The following NXPH1 variants were observed in gnomAD, a reference collection of about 807,000 sequenced individuals.
NXPH1 encodes the protein neurexophilin 1.
Under a neutral mutation model 23.7 loss-of-function variants are expected in NXPH1, and 5 were observed. The observed-to-expected ratio is 0.21, with a 90% CI of 0.11 to 0.44. NXPH1 has a LOEUF of 0.44. NXPH1 is among the 20% of genes least tolerant of loss of function. The probability of loss-of-function intolerance (pLI) is 0.99; values close to 1 mark genes in which losing one functional copy is unlikely to be tolerated. For missense variants in NXPH1, 324 were observed against 321.6 expected (o/e 1.01, Z -0.06); for synonymous variants, 144 against 122.2 (o/e 1.18, Z -1.18).
chr7:8,750,434 G>T (rs1780544500), intron 2 of NXPH1, among the ~76,000 whole-genome samples: 1 of 152,082 alleles, frequency 6.6e-6, no homozygotes, highest in South Asian at 2.1e-4. Flanking sequence ...CGTTCTCTAA[G>T]TTCCCTCCCC....
At chr7:8,498,679 T>A (rs1308568153) in intron 2 of NXPH1, among the ~76,000 whole-genome samples, 1 of 152,106 alleles carries the variant, frequency 6.6e-6, no homozygotes, top group East Asian at 1.9e-4. Context: ...ATACTGATAA[T>A]TGTGTGTTAC....
intron 2 of NXPH1, among the ~76,000 whole-genome samples, chr7:8,661,100 A>T (rs1206833054): frequency 6.6e-6 from 1 of 152,208 alleles, no homozygotes; most frequent in East Asian, 1.9e-4. Flanking sequence ...ATCATATCTG[A>T]ATAATAAGTA....
intron 2 of NXPH1, among the ~76,000 whole-genome samples, chr7:8,667,916 A>G (rs1481871286): frequency 1.3e-5 from 2 of 152,050 alleles, no homozygotes; most frequent in Non-Finnish European, 2.9e-5. Context: ...ATTTTAAAAT[A>G]AACTGTTTTC....
chr7:8,668,234 T>A (rs1448910649), intron 2 of NXPH1, among the ~76,000 whole-genome samples: 1 of 151,164 alleles, frequency 6.6e-6, no homozygotes, highest in Non-Finnish European at 1.5e-5. Flanking sequence ...ATTGTATTCT[T>A]TTGATGGTGT....
intron 2 of NXPH1, among the ~76,000 whole-genome samples, chr7:8,566,879 AT>A (rs1188574518): frequency 1.3e-5 from 2 of 151,570 alleles, no homozygotes; most frequent in African/African-American, 4.8e-5. Flanking sequence ...TCATCTATCT[AT>A]CTACTGTTAG....
chr7:8,495,079 A>G (rs1817312894), intron 2 of NXPH1, among the ~76,000 whole-genome samples: 1 of 152,054 alleles, frequency 6.6e-6, no homozygotes, highest in Admixed American at 6.6e-5. Context: ...AATAGAATCA[A>G]TAGGAGATAG....
intron 2 of NXPH1, among the ~76,000 whole-genome samples, chr7:8,599,109 T>C (rs1298337941): frequency 1.3e-5 from 2 of 152,098 alleles, no homozygotes; most frequent in Non-Finnish European, 2.9e-5. Context: ...TCAAATACAA[T>C]GTAGAATGAA....
intron 2 of NXPH1, among the ~76,000 whole-genome samples, chr7:8,577,515 C>T (rs1277456390): frequency 6.6e-6 from 1 of 152,116 alleles, no homozygotes; most frequent in Non-Finnish European, 1.5e-5. Flanking sequence ...CCATTTGTTC[C>T]TTGGGCCACC....
chr7:8,734,194 C>G (rs755644995), intron 2 of NXPH1, among the ~76,000 whole-genome samples: 1 of 151,930 alleles, frequency 6.6e-6, no homozygotes, highest in African/African-American at 2.4e-5. Flanking sequence ...AGATGTGTGG[C>G]ATTATTTCTC....
At chr7:8,488,431 AATTG>A (rs1392836162) in intron 2 of NXPH1, among the ~76,000 whole-genome samples, 3 of 152,106 alleles carry the variant, frequency 2.0e-5, no homozygotes, top group Non-Finnish European at 2.9e-5. Context: ...CTAGAGATTA[AATTG>A]ATTAAGTGAT....
At chr7:8,710,213 G>C (rs142437394) in intron 2 of NXPH1, among the ~76,000 whole-genome samples, 4 of 152,208 alleles carry the variant, frequency 2.6e-5, no homozygotes, top group Non-Finnish European at 4.4e-5. Flanking sequence ...TGCAAGTTGA[G>C]CAGTTTATTC....
At chr7:8,554,390 A>C (rs1006991621) in intron 2 of NXPH1, among the ~76,000 whole-genome samples, 3 of 151,620 alleles carry the variant, frequency 2.0e-5, no homozygotes, top group Admixed American at 2.0e-4. Flanking sequence ...CATCCATCAG[A>C]ATGAGCCGGT....
intron 2 of NXPH1, among the ~76,000 whole-genome samples, chr7:8,748,676 T>C (rs1423498941): frequency 6.6e-6 from 1 of 152,216 alleles, no homozygotes; most frequent in Non-Finnish European, 1.5e-5. Flanking sequence ...CAGATGCAAC[T>C]GTACTCGAGC....
At chr7:8,748,783 G>A (rs1034539673) in intron 2 of NXPH1, among the ~76,000 whole-genome samples, 1 of 152,210 alleles carries the variant, frequency 6.6e-6, no homozygotes, top group African/African-American at 2.4e-5. Context: ...AACGCATGAT[G>A]AAGTTGCGTT....
intron 2 of NXPH1, among the ~76,000 whole-genome samples, chr7:8,612,644 T>G (rs962149289): frequency 1.3e-5 from 2 of 152,026 alleles, no homozygotes; most frequent in Non-Finnish European, 2.9e-5. Context: ...ATTTAAAAGA[T>G]TCCATGTTTA....
chr7:8,549,538 C>T (rs1309111786), intron 2 of NXPH1, among the ~76,000 whole-genome samples: 1 of 151,448 alleles, frequency 6.6e-6, no homozygotes, highest in African/African-American at 2.4e-5. Context: ...AAGATTAATT[C>T]AGTAGATTGT....
At chr7:8,581,768 G>T (rs987156626) in intron 2 of NXPH1, among the ~76,000 whole-genome samples, 1 of 152,136 alleles carries the variant, frequency 6.6e-6, no homozygotes, top group Non-Finnish European at 1.5e-5. Flanking sequence ...ACAAAGTAGC[G>T]ATATTCAGCT....
intron 2 of NXPH1, among the ~76,000 whole-genome samples, chr7:8,598,599 A>AGG (rs1035928490): frequency 6.6e-6 from 1 of 152,108 alleles, no homozygotes; most frequent in African/African-American, 2.4e-5. Flanking sequence ...ATGGGAAGCA[A>AGG]GGGGGTAGGG....
intron 2 of NXPH1, among the ~76,000 whole-genome samples, chr7:8,471,864 A>T (rs150833026): frequency 1.8e-3 from 273 of 152,256 alleles, no homozygotes; most frequent in African/African-American, 6.2e-3. Flanking sequence ...TTACAAAAAC[A>T]GTAGGTAGAG....
Sources: allele counts gnomAD v4.1 joint callset (sites outside exome capture counted in the v4.1 genomes callset), GRCh38; gene constraint gnomAD v4.1.1; transcripts MANE v1.5; gene names NCBI Gene and HGNC (gene_info 2026-07-23, HGNC 2026-07-21).